The following TAF4B variants were observed in gnomAD, a reference collection of about 807,000 sequenced individuals.
The protein encoded by TAF4B is TATA-box binding protein associated factor 4b.
Under a neutral mutation model 86.4 loss-of-function variants are expected in TAF4B, and 38 were observed. The observed-to-expected ratio is 0.44, with a 90% CI of 0.34 to 0.58. TAF4B has a LOEUF of 0.58. Ranked by LOEUF, TAF4B falls within the 20% of genes least tolerant of loss-of-function variation. The pLI, the probability that TAF4B is intolerant of heterozygous loss-of-function variation, is 0.02. For missense variants in TAF4B, 988 were observed against 1,027.6 expected (o/e 0.96, Z 0.53); for synonymous variants, 388 against 391.2 (o/e 0.99, Z 0.10).
rs186396079 is a variant in TAF4B at position 26,236,641 on chromosome 18, C to T, written c.343+9365C>T. ...CCTTGCAAACCACACTAATAACAAGCCCTACCGGGTTATTGCCCTGCTCCA... is the reference window on the plus strand; with the variant it reads ...CCTTGCAAACCACACTAATAACAAGTCCTACCGGGTTATTGCCCTGCTCCA... On this transcript the variant is annotated intron_variant, in intron 1 of 14. Transcript: ENST00000269142. Among the ~76,000 whole-genome samples, 3 of 152,266 alleles carry T rather than the reference C, an allele frequency of 2.0e-5. No individual in the cohort carries two copies. In the East Asian group the frequency reaches 5.8e-4, roughly 29 times the overall value.
Position 26,292,292 on chromosome 18 carries a change from T to A in TAF4B, c.1637T>A (p.Ile546Asn). The A allele has an allele frequency of 1.2e-6, 2 of 1,614,158 alleles. No individual in the cohort carries two copies. Among genetic ancestry groups the A allele is most frequent in the African/African-American group, 2.7e-5 (2 of 75,062 alleles). Residue 546 changes from isoleucine (I) to asparagine (N), a missense_variant, in exon 8 of 15, where the codon ATT (isoleucine) becomes AAT (asparagine). Physicochemically the swap from Ile to Asn is moderately radical, Grantham distance 149. Around this residue, in one of 3 missense-constraint regions of TAF4B, gnomAD observed 747 missense variants for 737.9 expected, o/e 1.01. Transcript: ENST00000269142. ...SGGNEKQVTT[I>N]SHSSTLTIQK... is the part of the protein sequence containing the mutation. ...GGCAATGAAAAACAAGTGACCACAA[T>A]TTCACATTCCTCAACATTGACCATT...
intron 3 of TAF4B, among the ~76,000 whole-genome samples, chr18:26,269,648 G>A (rs9961911): frequency 0.93 from 141,841 of 152,208 alleles, 66,388 homozygotes; most frequent in East Asian, 0.99. Context: ...GATTTTAAAC[G>A]TAATATTTTT....
In TAF4B at chr18:26,389,901, G is replaced by A; in HGVS notation, c.2478G>A (p.Gln826=). The A allele has an allele frequency of 6.2e-7, 1 of 1,614,108 alleles. No homozygotes were observed. The highest frequency in any genetic ancestry group is 8.5e-7 in the Non-Finnish European group (1 of 1,179,984). Residue 826 remains glutamine, a synonymous_variant, in exon 15 of 15, where the codon CAG becomes CAA. Coordinates refer to ENST00000269142, the MANE Select transcript of TAF4B (RefSeq NM_005640.3). ...CATCCAGCCTGACAGCCACCAAACAGTTGCATCGTCCAAGAATCACGAGAA... is the reference window on the plus strand; with the variant it reads ...CATCCAGCCTGACAGCCACCAAACAATTGCATCGTCCAAGAATCACGAGAA... The part of the protein sequence containing the change: ...SGTSSLTATK[Q]LHRPRITRIC...
At chr18:26,375,208 A>G (rs1371957305) in intron 14 of TAF4B, among the ~76,000 whole-genome samples, 1 of 151,602 alleles carries the variant, frequency 6.6e-6, no homozygotes, top group Non-Finnish European at 1.5e-5. Context: ...CACTGAGCAT[A>G]ATGTTTTCAT....
chr18:26,230,704 CTT>C (rs1197137522), intron 1 of TAF4B, among the ~76,000 whole-genome samples: 2 of 152,154 alleles, frequency 1.3e-5, no homozygotes, highest in East Asian at 1.9e-4. Context: ...TACTCCCACA[CTT>C]TGTTTTCTTT....
rs141202822 is a variant in TAF4B, at chr18:26,244,023, C to G, written c.343+16747C>G. Among the ~76,000 whole-genome samples, 299 of 152,350 alleles carry G rather than the reference C, an allele frequency of 2.0e-3. 1 individual carries two copies. The highest frequency in any genetic ancestry group is 7.0e-3 in the African/African-American group (292 of 41,582). ...GGAGATGCCTCCCAGTTAGGCTACTCTGGCATCAGGGACCCACTTGAGGAG... is the reference window on the plus strand; with the variant it reads ...GGAGATGCCTCCCAGTTAGGCTACTGTGGCATCAGGGACCCACTTGAGGAG... On this transcript the variant is annotated intron_variant, in intron 1 of 14. Transcript: ENST00000269142.
At chr18:26,384,238 A>G (rs1029564187) in intron 14 of TAF4B, among the ~76,000 whole-genome samples, 3 of 152,206 alleles carry the variant, frequency 2.0e-5, no homozygotes, top group Admixed American at 2.0e-4. Context: ...TGATTCCTCT[A>G]TTAAGAAATT....
At chr18:26,261,650 C>A (rs1462561389) in intron 1 of TAF4B, among the ~76,000 whole-genome samples, 1 of 152,176 alleles carries the variant, frequency 6.6e-6, no homozygotes, top group African/African-American at 2.4e-5. Context: ...CTAACTTGTT[C>A]CACAGTCTGA....
At position 26,327,054 on chromosome 18, in the gene TAF4B, C is replaced by T; in HGVS notation, c.2173C>T (p.Gln725Ter). ...CATCCTGTGTAGTGATACCAGGTCA[C>T]AGCTCAAATTTCTTGAAAAGCTGGA... ...NYILCSDTRS[Q>*]LKFLEKLDQL... Residue 725 changes from glutamine (Q) to a stop codon, truncating the protein, a stop_gained, in exon 12 of 15, where the codon CAG (glutamine) becomes TAG (stop). Transcript: ENST00000269142. LOFTEE classifies it high-confidence loss of function. The T allele has an allele frequency of 3.1e-6, 5 of 1,613,648 alleles. No individual in the cohort carries two copies. Among genetic ancestry groups the T allele is most frequent in the Non-Finnish European group, 4.2e-6 (5 of 1,179,836 alleles).
chr18:26,281,532 C>T (rs1247020623), intron 5 of TAF4B, among the ~76,000 whole-genome samples: 1 of 152,142 alleles, frequency 6.6e-6, no homozygotes, highest in Non-Finnish European at 1.5e-5. Context: ...AATGTTGTCC[C>T]TGGCTCTTGT....
chr18:26,298,820 C>T (rs561724457), intron 9 of TAF4B, among the ~76,000 whole-genome samples: 1 of 145,888 alleles, frequency 6.9e-6, no homozygotes, highest in African/African-American at 2.5e-5. Flanking sequence ...GCTGGGATTA[C>T]AGGCATGAGC....
At chr18:26,340,332 T>A (rs1207849308) in intron 13 of TAF4B, among the ~76,000 whole-genome samples, 1 of 152,226 alleles carries the variant, frequency 6.6e-6, no homozygotes, top group African/African-American at 2.4e-5. Context: ...TATTAAATTA[T>A]ATCAATTTGT....
At chr18:26,274,845 T>C in intron 4 of TAF4B, 21 bp downstream of exon 4, 1 of 1,614,030 alleles carries the variant, frequency 6.2e-7, no homozygotes, top group Non-Finnish European at 8.5e-7. Flanking sequence ...ACTTGCACCT[T>C]ACATAAATCT....
intron 9 of TAF4B, among the ~76,000 whole-genome samples, chr18:26,297,216 A>C (rs1434424907): frequency 6.6e-6 from 1 of 152,128 alleles, no homozygotes; most frequent in Non-Finnish European, 1.5e-5. Flanking sequence ...CAAAGCATAC[A>C]CACAGACCAG....
intron 14 of TAF4B, among the ~76,000 whole-genome samples, chr18:26,362,169 G>A (rs2057337630): frequency 6.6e-6 from 1 of 152,142 alleles, no homozygotes; most frequent in Non-Finnish European, 1.5e-5. Flanking sequence ...TCTTGACTCT[G>A]TTAAGCTTTG....
At chr18:26,374,112 A>G (rs2057426077) in intron 14 of TAF4B, among the ~76,000 whole-genome samples, 2 of 152,154 alleles carry the variant, frequency 1.3e-5, no homozygotes. Context: ...GTTACATTCC[A>G]CTGTCCCATT....
chr18:26,382,027 T>C (rs932746889), intron 14 of TAF4B, among the ~76,000 whole-genome samples: 2 of 152,140 alleles, frequency 1.3e-5, no homozygotes, highest in African/African-American at 4.8e-5. Flanking sequence ...CTAGAATTAC[T>C]AGAGTTTTAA....
chr18:26,243,605 G>A (rs976235739), intron 1 of TAF4B, among the ~76,000 whole-genome samples: 19 of 152,160 alleles, frequency 1.2e-4, no homozygotes, highest in South Asian at 6.2e-4. Flanking sequence ...GTCATTCTCC[G>A]TCCAGCTTCG....
At chr18:26,287,260 C>A (rs1412135974) in intron 7 of TAF4B, among the ~76,000 whole-genome samples, 1 of 152,162 alleles carries the variant, frequency 6.6e-6, no homozygotes, top group African/African-American at 2.4e-5. Flanking sequence ...CGACTTAGAC[C>A]TCCCAAAATG....
Sources: allele counts gnomAD v4.1 joint callset (sites outside exome capture counted in the v4.1 genomes callset), GRCh38; gene constraint gnomAD v4.1.1; regional missense constraint gnomAD v4.1.1; transcripts MANE v1.5; gene names NCBI Gene and HGNC (gene_info 2026-07-23, HGNC 2026-07-21).